The following SLC30A6 variants were observed in gnomAD, a reference collection of about 807,000 sequenced individuals.
SLC30A6 encodes solute carrier family 30 member 6.
SLC30A6 carries 55 observed loss-of-function variants against 63.0 expected under a neutral mutation model. That is an observed-to-expected ratio of 0.87 (90% CI 0.70 to 1.09). SLC30A6 has a LOEUF of 1.09. SLC30A6 is among the 50% of genes least tolerant of loss of function. The probability of loss-of-function intolerance (pLI) is 0.00; values close to 1 mark genes in which losing one functional copy is unlikely to be tolerated. For synonymous variants in SLC30A6, 224 were observed against 186.1 expected (o/e 1.20, Z -1.66); for missense variants, 587 against 549.2 (o/e 1.07, Z -0.69).
chr2:32,173,855 C>T (rs1681460133), intron 2 of SLC30A6, among the ~76,000 whole-genome samples: 1 of 152,214 alleles, frequency 6.6e-6, no homozygotes, highest in Non-Finnish European at 1.5e-5. Flanking sequence ...TCTTGAACAA[C>T]TCTCCTTCTG....
At chr2:32,206,545 C>T (rs548092461) in intron 11 of SLC30A6, among the ~76,000 whole-genome samples, 146 of 152,206 alleles carry the variant, frequency 9.6e-4, no homozygotes, top group Non-Finnish European at 1.8e-3. Flanking sequence ...GTAGTTCCAT[C>T]TCCAGAAAAA....
chr2:32,173,412 C>T (rs538217481), intron 2 of SLC30A6, among the ~76,000 whole-genome samples: 9 of 150,212 alleles, frequency 6.0e-5, no homozygotes, highest in Admixed American at 2.0e-4. Flanking sequence ...CTCGCTCTGT[C>T]GCCCAGGCTG....
At chr2:32,170,949 T>C (rs1380526607) in intron 1 of SLC30A6, among the ~76,000 whole-genome samples, 2 of 152,212 alleles carry the variant, frequency 1.3e-5, no homozygotes, top group Non-Finnish European at 1.5e-5. Flanking sequence ...CCAGTAGAGC[T>C]ATTTGGCAAA....
In SLC30A6 at chr2:32,170,830, C is replaced by T. The variant is rs192533891; in HGVS notation, c.4-457C>T. On this transcript the variant is annotated intron_variant, in intron 1 of 13. Transcript: ENST00000282587. Reference sequence around the variant, plus strand: ...GCCAGGCTGGTCTCAAACTCCTGGCCTCAAGTTATCCCTCTGCCTCGGCCT... The same window carrying T: ...GCCAGGCTGGTCTCAAACTCCTGGCTTCAAGTTATCCCTCTGCCTCGGCCT... Among the ~76,000 whole-genome samples, 26 of 152,284 alleles carry T rather than the reference C, an allele frequency of 1.7e-4. No individual in the cohort carries two copies. In the East Asian group the frequency reaches 4.6e-3, roughly 27 times the overall value.
At position 32,220,270 on chromosome 2, in the gene SLC30A6, C is replaced by T; in HGVS notation, c.943C>T (p.His315Tyr). 1.2e-6 allele frequency: 2 copies of T among 1,614,184 alleles called. No individual in the cohort carries two copies. The highest frequency in any genetic ancestry group is 8.5e-7 in the Non-Finnish European group (1 of 1,180,024). Residue 315 changes from histidine to tyrosine, a missense_variant, in exon 14 of 14, where the codon CAT becomes TAT. By Grantham distance (83) the His-to-Tyr change is moderately conservative (BLOSUM62 2). Transcript: ENST00000282587. ...RDANEQMVLA[H>Y]VTNRLYTLVS... ...TGCCAATGAACAAATGGTTCTTGCT[C>T]ATGTGACCAACAGGCTGTACACTCT... is the stretch of plus-strand genomic sequence containing the variant.
At chr2:32,179,419 A>G (rs1309117175) in intron 4 of SLC30A6, among the ~76,000 whole-genome samples, 2 of 152,188 alleles carry the variant, frequency 1.3e-5, no homozygotes, top group African/African-American at 4.8e-5. Flanking sequence ...TTTGGTATGT[A>G]TATATCATAG....
At chr2:32,191,164 A>G (rs944948760) in intron 5 of SLC30A6, among the ~76,000 whole-genome samples, 1 of 152,172 alleles carries the variant, frequency 6.6e-6, no homozygotes, top group African/African-American at 2.4e-5. Flanking sequence ...ATGCATTTTA[A>G]TATCAGCTTC....
chr2:32,197,904 T>C (rs1683943736), intron 10 of SLC30A6, 78 bp downstream of exon 10: 1 of 1,548,018 alleles, frequency 6.5e-7, no homozygotes, highest in Admixed American at 1.8e-5. Flanking sequence ...GGATGGATAG[T>C]GGTCAAGCTT....
In SLC30A6 at chr2:32,184,300, G is replaced by T; in HGVS notation, c.246G>T (p.Trp82Cys). The change falls in exon 5 of 14, where the codon TGG (tryptophan) becomes TGT (cysteine). Residue 82 changes from tryptophan (W) to cysteine (C), a missense_variant. Physicochemically the swap from Trp to Cys is radical, Grantham distance 215. Coordinates refer to ENST00000282587, the MANE Select transcript of SLC30A6 (RefSeq NM_017964.5). The part of the protein sequence containing the change: ...FSLMTCLISY[W>C]VTLRKPSPVY... ...TAATGACATGTTTAATAAGTTACTG[G>T]GTAACATTGAGGAAACCTAGCCCTG... 3.2e-6 allele frequency: 5 copies of T among 1,546,938 alleles called. No homozygotes were observed. The highest frequency in any genetic ancestry group is 1.3e-5 in the South Asian group (1 of 78,818).
chr2:32,214,228 C>T lies in SLC30A6; in HGVS notation c.885+4667C>T, dbSNP rs1685513762. Among the ~76,000 whole-genome samples, 3 of 152,054 alleles carry T rather than the reference C, an allele frequency of 2.0e-5. No homozygotes were observed. In the South Asian group the frequency reaches 6.2e-4, roughly 32 times the overall value. Reference sequence around the variant, plus strand: ...GGGATTATAGGAATGAGGCACCATGCCCAGCCTGGGATAAACATTTTTATG... The same window carrying T: ...GGGATTATAGGAATGAGGCACCATGTCCAGCCTGGGATAAACATTTTTATG... On this transcript the variant is annotated intron_variant, in intron 13 of 13. Transcript: ENST00000282587.
At chr2:32,192,842 G>A (rs1683454241) in intron 6 of SLC30A6, 76 bp from the exon 7 acceptor site, 2 of 925,704 alleles carry the variant, frequency 2.2e-6, no homozygotes, top group Non-Finnish European at 3.1e-6. Flanking sequence ...TTTAAGGTGG[G>A]TGAATGATAT....
At chr2:32,178,803 C>T (rs907697908) in intron 4 of SLC30A6, among the ~76,000 whole-genome samples, 16 of 152,208 alleles carry the variant, frequency 1.1e-4, no homozygotes, top group African/African-American at 3.9e-4. Flanking sequence ...GTCTTGATTA[C>T]TGCAGCTCTG....
intron 13 of SLC30A6, among the ~76,000 whole-genome samples, chr2:32,213,955 A>T (rs973624824): frequency 2.0e-5 from 3 of 152,002 alleles, no homozygotes; most frequent in African/African-American, 7.2e-5. Context: ...GAAAGAAGCT[A>T]TCTGTGAAAC....
In SLC30A6 at chr2:32,171,353, C is replaced by T; in HGVS notation, c.70C>T (p.Leu24Phe). The change falls in exon 2 of 14, where the codon CTT becomes TTT. Residue 24 changes from leucine to phenylalanine, a missense_variant. By Grantham distance (22) the Leu-to-Phe change is conservative. Transcript: ENST00000282587. ...FFGKLLREFR[L>F]VAADRRSWKI... ...TGGCAAGTTGTTACGGGAATTTAGACTTGTAGCAGCTGACCGAAGGGTAAG... is the reference window on the plus strand; with the variant it reads ...TGGCAAGTTGTTACGGGAATTTAGATTTGTAGCAGCTGACCGAAGGGTAAG... 1 of 1,613,610 alleles carries T rather than the reference C, an allele frequency of 6.2e-7. No individual in the cohort carries two copies. The highest frequency in any genetic ancestry group is 8.5e-7 in the Non-Finnish European group (1 of 1,179,706).
chr2:32,173,189 A>G (rs1481442589), intron 2 of SLC30A6, among the ~76,000 whole-genome samples: 1 of 152,188 alleles, frequency 6.6e-6, no homozygotes, highest in Non-Finnish European at 1.5e-5. Flanking sequence ...TGAAAGAATT[A>G]TCAGTACATT....
intron 1 of SLC30A6, among the ~76,000 whole-genome samples, chr2:32,167,721 A>G (rs1680812218): frequency 6.6e-6 from 1 of 152,206 alleles, no homozygotes. Context: ...GAATACATAC[A>G]ATAGAAACTT....
intron 1 of SLC30A6, among the ~76,000 whole-genome samples, chr2:32,167,779 A>G (rs1680816629): frequency 6.6e-6 from 1 of 152,222 alleles, no homozygotes; most frequent in African/African-American, 2.4e-5. Flanking sequence ...AGATAAAGGG[A>G]TAAGAGACTT....
chr2:32,192,992 C>G, intron 7 of SLC30A6, 39 bp downstream of exon 7: 1 of 1,243,782 alleles, frequency 8.0e-7, no homozygotes, highest in Non-Finnish European at 1.1e-6. Context: ...ACTATTGATT[C>G]TTAATTATTA....
chr2:32,181,933 C>CT (rs34589397), intron 4 of SLC30A6, among the ~76,000 whole-genome samples: 4,711 of 122,862 alleles, frequency 0.038, 147 homozygotes, highest in African/African-American at 0.083. Flanking sequence ...TTTTTCTTTT[C>CT]TTTTTTTTTT....
Sources: allele counts gnomAD v4.1 joint callset (sites outside exome capture counted in the v4.1 genomes callset), GRCh38; gene constraint gnomAD v4.1.1; transcripts MANE v1.5; gene names NCBI Gene and HGNC (gene_info 2026-07-23, HGNC 2026-07-21).